Variants in LRRTM4 observed in about 807,000 individuals in gnomAD.
The protein encoded by LRRTM4 is leucine rich repeat transmembrane neuronal 4, also known as leucine-rich repeat transmembrane neuronal protein 4.
A neutral mutation model predicts 47.6 loss-of-function variants in LRRTM4; 25 were observed. The observed-to-expected ratio is 0.53, with a 90% confidence interval of 0.38 to 0.73. The LOEUF (loss-of-function observed/expected upper bound fraction) is 0.73, where lower values mean the gene tolerates loss of function less well. Ranked by LOEUF, LRRTM4 falls within the 30% of genes least tolerant of loss-of-function variation. The probability of loss-of-function intolerance (pLI) is 0.00; values close to 1 mark genes in which losing one functional copy is unlikely to be tolerated. For missense variants in LRRTM4, 638 were observed against 713.4 expected, an observed-to-expected ratio of 0.89 and a Z score of 1.20; for synonymous variants, 311 against 269.5, an observed-to-expected ratio of 1.15 and a Z score of -1.51.
At chr2:77,476,923 C>CA (rs1677416337) in intron 3 of LRRTM4, among the ~76,000 whole-genome samples, 1 of 150,106 alleles carries the variant, frequency 6.7e-6, no homozygotes, top group African/African-American at 2.5e-5. Flanking sequence ...CTAAGAATAG[C>CA]AAAAGTAAAT....
At chr2:77,450,831 A>G (rs1676227521) in intron 3 of LRRTM4, among the ~76,000 whole-genome samples, 1 of 151,998 alleles carries the variant, frequency 6.6e-6, no homozygotes, top group African/African-American at 2.4e-5. Flanking sequence ...CATCTATTTT[A>G]TATATATATG....
chr2:77,040,950 T>C (rs937611035), intron 3 of LRRTM4, among the ~76,000 whole-genome samples: 3 of 151,538 alleles, frequency 2.0e-5, no homozygotes, highest in African/African-American at 7.3e-5. Flanking sequence ...CAAAATCCTC[T>C]ATTGTAGCTA....
intron 3 of LRRTM4, among the ~76,000 whole-genome samples, chr2:77,483,111 A>C (rs1183761380): frequency 9.3e-6 from 1 of 107,764 alleles, no homozygotes; most frequent in Admixed American, 1.1e-4. Flanking sequence ...GCAGAGCAAG[A>C]CTGTCTCAAA....
In LRRTM4 at chr2:77,403,954, A is replaced by G. The variant is rs1674067076; in HGVS notation, c.1551+114364T>C. 2.0e-5 allele frequency among the ~76,000 whole-genome samples: 3 copies of G among 151,660 alleles called. No homozygotes were observed. In the South Asian group the frequency reaches 6.2e-4, roughly 31 times the overall value. ...ACTAAATGGAAGAAAAATATATATG[A>G]CCATTTAAAGAATCATTTAAAAATT... On this transcript the variant is annotated intron_variant, in intron 3 of 3. Transcript: ENST00000409884.
intron 3 of LRRTM4, among the ~76,000 whole-genome samples, chr2:77,132,924 A>G (rs2103979926): frequency 6.6e-6 from 1 of 152,326 alleles, no homozygotes; most frequent in African/African-American, 2.4e-5. Context: ...GAGGAGGAAG[A>G]AGATAGATAA....
chr2:77,175,074 CTTT>C (rs34057321), intron 3 of LRRTM4, among the ~76,000 whole-genome samples: 34 of 138,344 alleles, frequency 2.5e-4, no homozygotes, highest in Non-Finnish European at 3.0e-4. Flanking sequence ...TTTCTTTTTT[CTTT>C]TTTTTTTTTT....
chr2:77,157,759 T>G (rs2103799949), intron 3 of LRRTM4, among the ~76,000 whole-genome samples: 1 of 152,224 alleles, frequency 6.6e-6, no homozygotes, highest in East Asian at 1.9e-4. Flanking sequence ...CCACTTGAGG[T>G]CTTGCTGAAA....
intron 3 of LRRTM4, among the ~76,000 whole-genome samples, chr2:76,785,006 T>C (rs1056055830): frequency 6.6e-6 from 1 of 152,110 alleles, no homozygotes; most frequent in Non-Finnish European, 1.5e-5. Context: ...CCAAATTTCA[T>C]ATGGAAAACT....
At chr2:76,909,647 A>AG in intron 3 of LRRTM4, among the ~76,000 whole-genome samples, 1 of 152,250 alleles carries the variant, frequency 6.6e-6, no homozygotes, top group East Asian at 1.9e-4. Context: ...CAAATTTACA[A>AG]GAAAAAAACA....
intron 3 of LRRTM4, among the ~76,000 whole-genome samples, chr2:77,081,147 A>G (rs921195437): frequency 2.6e-5 from 4 of 151,802 alleles, no homozygotes; most frequent in Non-Finnish European, 5.9e-5. Flanking sequence ...TTGATCATGT[A>G]TACTTTTTAT....
chr2:77,319,344 G>GC (rs1414484671), intron 3 of LRRTM4, among the ~76,000 whole-genome samples: 1 of 151,562 alleles, frequency 6.6e-6, no homozygotes. Context: ...CCGAGATCGC[G>GC]CCACTGCATT....
intron 3 of LRRTM4, among the ~76,000 whole-genome samples, chr2:76,754,480 AG>A (rs1010495909): frequency 2.7e-4 from 41 of 152,306 alleles, no homozygotes; most frequent in Admixed American, 1.3e-3. Context: ...AACTGAACCT[AG>A]GAACACAATG....
At chr2:76,995,720 A>G (rs746512426) in intron 3 of LRRTM4, among the ~76,000 whole-genome samples, 2 of 152,098 alleles carry the variant, frequency 1.3e-5, no homozygotes, top group African/African-American at 2.4e-5. Context: ...TTCAGGAACT[A>G]TAACTCTGGC....
chr2:77,168,848 A>G (rs1309865522), intron 3 of LRRTM4, among the ~76,000 whole-genome samples: 4 of 152,274 alleles, frequency 2.6e-5, no homozygotes, highest in African/African-American at 9.6e-5. Flanking sequence ...CTTCACTTCT[A>G]TCCATGTTTC....
chr2:77,175,600 G>A (rs946207207), intron 3 of LRRTM4, among the ~76,000 whole-genome samples: 11 of 152,078 alleles, frequency 7.2e-5, no homozygotes, highest in Non-Finnish European at 4.4e-5. Flanking sequence ...TTGATGCAAC[G>A]TGACCTTTTG....
At chr2:77,503,641 CAG>C (rs1464087767) in intron 3 of LRRTM4, among the ~76,000 whole-genome samples, 1 of 151,040 alleles carries the variant, frequency 6.6e-6, no homozygotes, top group Non-Finnish European at 1.5e-5. Flanking sequence ...GAGGGAGAGA[CAG>C]AGAGAGAATA....
In LRRTM4 at chr2:77,421,664, A is replaced by G. The variant is rs570500400; in HGVS notation, c.1551+96654T>C. ...GGAGCTTGCAGTGAGCCGAGATCAC[A>G]CCACTGCACTCCAGCCTGGGCGGCA... On this transcript the variant is annotated intron_variant, in intron 3 of 3. Transcript: ENST00000409884. Among the ~76,000 whole-genome samples the G allele has an allele frequency of 6.1e-4, 93 of 151,880 alleles. 1 individual carries two copies. The highest frequency in any genetic ancestry group is 1.9e-3 in the South Asian group (9 of 4,810).
intron 3 of LRRTM4, among the ~76,000 whole-genome samples, chr2:76,907,596 C>A (rs1386442935): frequency 1.4e-5 from 2 of 137,982 alleles, no homozygotes; most frequent in Non-Finnish European, 1.5e-5. Context: ...AGACCACTAG[C>A]AAGACTAATA....
chr2:76,850,647 C>A (rs1384344262), intron 3 of LRRTM4, among the ~76,000 whole-genome samples: 3 of 152,182 alleles, frequency 2.0e-5, no homozygotes, highest in Admixed American at 6.5e-5. Flanking sequence ...AACTTAGCAA[C>A]TGTCACTGTC....
Sources: gnomAD v4.1 joint callset for allele counts (sites outside exome capture counted in the v4.1 genomes callset) on GRCh38, gnomAD v4.1.1 for gene constraint, MANE v1.5 for transcripts, NCBI Gene and HGNC (gene_info 2026-07-23, HGNC 2026-07-21) for gene names.